DIPK2B: variants seen among roughly 807,000 people sequenced by gnomAD.
The protein encoded by DIPK2B is UPF0672 protein CXorf36.
Under a neutral mutation model 22.2 loss-of-function variants are expected in DIPK2B, and 15 were observed. The ratio of observed to expected loss-of-function variants is 0.68; its 90% CI spans 0.45 to 1.04. DIPK2B has a LOEUF of 1.04. Ranked by LOEUF, DIPK2B falls within the 50% of genes least tolerant of loss-of-function variation. The pLI is 0.00. For synonymous variants in DIPK2B, 163 were observed against 153.2 expected, an observed-to-expected ratio of 1.06 and a Z score of -0.47; for missense variants, 345 against 348.3, an observed-to-expected ratio of 0.99 and a Z score of 0.08.
chrX:45,188,084 C>A (rs766057938), intron 2 of DIPK2B, among the ~76,000 whole-genome samples: 1 of 111,917 alleles, frequency 8.9e-6, no homozygotes, highest in African/African-American at 3.2e-5. Flanking sequence ...CCCAACCACG[C>A]ATCCTATAAT....
chrX:45,163,004 A>C, intron 2 of DIPK2B: 1 of 714,161 alleles, frequency 1.4e-6, no homozygotes, highest in Non-Finnish European at 1.7e-6. Context: ...TTTATGTGTC[A>C]ACTTGGCTAG....
chrX:45,154,289 A>ATCTATCTATCTG (rs1398201212), intron 3 of DIPK2B, 91 bp from the exon 4 acceptor site: 3 of 569,885 alleles, frequency 5.3e-6, no homozygotes, highest in Non-Finnish European at 7.9e-6. Flanking sequence ...CTATCTATCT[A>ATCTATCTATCTG]TCTATCTATC....
intron 3 of DIPK2B, among the ~76,000 whole-genome samples, chrX:45,155,686 G>A (rs974958437): frequency 3.7e-5 from 4 of 109,519 alleles, no homozygotes; most frequent in African/African-American, 1.3e-4. Flanking sequence ...ATGAAGCCCC[G>A]ACCTGTCTCC....
intron 1 of DIPK2B, among the ~76,000 whole-genome samples, chrX:45,193,058 C>T (rs1320563131): frequency 1.8e-5 from 2 of 112,786 alleles, no homozygotes; most frequent in Non-Finnish European, 1.9e-5. Context: ...GGATTACAGG[C>T]GTGAGCCACT....
chrX:45,191,991 G>T lies in DIPK2B; in HGVS notation c.258C>A (p.His86Gln). 8.3e-7 allele frequency: 1 copy of T among 1,210,544 alleles called. No homozygotes were observed. The highest frequency in any genetic ancestry group is 1.1e-6 in the Non-Finnish European group (1 of 894,780). The change falls in exon 2 of 5, where the codon CAC (histidine) becomes CAA (glutamine). Residue 86 changes from histidine (H) to glutamine (Q), a missense_variant. Transcript: ENST00000398000. ...GCAAGGAATCGGGAGGCAGTCCAAG[G>T]TGGGAAGCCAGCCAGTTGTCAGATC... ...EIRSDNWLAS[H>Q]LGLPPDSLLS... is the part of the protein sequence containing the mutation.
intron 3 of DIPK2B, among the ~76,000 whole-genome samples, chrX:45,155,652 A>G (rs1025459110): frequency 6.4e-5 from 7 of 109,123 alleles, no homozygotes; most frequent in African/African-American, 2.3e-4. Context: ...CCTTCCAGAC[A>G]GCCTAAAACT....
At chrX:45,179,749 T>A (rs1018304003) in intron 2 of DIPK2B, among the ~76,000 whole-genome samples, 7 of 110,386 alleles carry the variant, frequency 6.3e-5, no homozygotes, top group Admixed American at 9.6e-5. Context: ...GAGAAAAAAA[T>A]AATTGAAAAA....
chrX:45,155,627 C>T (rs2046989449), intron 3 of DIPK2B, among the ~76,000 whole-genome samples: 1 of 108,407 alleles, frequency 9.2e-6, no homozygotes, highest in African/African-American at 3.4e-5. Flanking sequence ...ACAGATGTTC[C>T]CCAACTAACT....
chrX:45,200,754 C>T lies in DIPK2B; in HGVS notation c.73G>A (p.Ala25Thr), dbSNP rs199728771. The T allele has an allele frequency of 1.8e-5, 22 of 1,209,897 alleles. No individual in the cohort carries two copies. The highest frequency in any genetic ancestry group is 2.1e-5 in the Non-Finnish European group (19 of 894,764). Residue 25 changes from alanine (A) to threonine (T), a missense_variant, in exon 1 of 5, where the codon GCC becomes ACC. Coordinates refer to ENST00000398000, the MANE Select transcript of DIPK2B (RefSeq NM_176819.4). The part of the protein sequence containing the change: ...GWLALLLWVS[A>T]LSCSFSLPAS... ...GGCAAGGAGAAAGAACAGCTCAGGG[C>T]TGAGACCCACAGCAGCAGGGCCAGC...
intron 2 of DIPK2B, among the ~76,000 whole-genome samples, chrX:45,171,177 G>A (rs762407126): frequency 2.7e-5 from 3 of 110,801 alleles, no homozygotes; most frequent in Admixed American, 9.6e-5. Flanking sequence ...GGACATCATC[G>A]GGCTTATGGC....
At chrX:45,199,815 C>T (rs1291129966) in intron 1 of DIPK2B, among the ~76,000 whole-genome samples, 2 of 111,362 alleles carry the variant, frequency 1.8e-5, no homozygotes, top group Non-Finnish European at 1.9e-5. Context: ...CCAGTACCTG[C>T]TAGAGTTTGG....
intron 2 of DIPK2B, among the ~76,000 whole-genome samples, chrX:45,179,047 C>G (rs1428502794): frequency 9.0e-6 from 1 of 111,344 alleles, no homozygotes; most frequent in African/African-American, 3.3e-5. Context: ...CAGTGGCTCT[C>G]AACTGGAAGA....
intron 4 of DIPK2B, among the ~76,000 whole-genome samples, chrX:45,152,410 C>G (rs1305841279): frequency 9.1e-6 from 1 of 110,449 alleles, no homozygotes; most frequent in African/African-American, 3.3e-5. Context: ...ATTTCCCTGT[C>G]ACCAGGAGAT....
At position 45,200,165 on chromosome X, in the gene DIPK2B, C is replaced by T. The variant is rs1441996957; in HGVS notation, c.233+429G>A. 6.3e-5 allele frequency among the ~76,000 whole-genome samples: 7 copies of T among 111,514 alleles called. No homozygotes were observed. The East Asian group carries it at 2.0e-3, about 31-fold the overall frequency. ...TCATCTCACAGAGTTACCCATTTCC[C>T]CCCACTGAAGTCACTTTATCTGGCT... On this transcript the variant is annotated intron_variant, in intron 1 of 4. Coordinates refer to ENST00000398000, the MANE Select transcript of DIPK2B (RefSeq NM_176819.4).
At chrX:45,156,191 C>A (rs1302812456) in intron 3 of DIPK2B, among the ~76,000 whole-genome samples, 1 of 109,279 alleles carries the variant, frequency 9.2e-6, no homozygotes, top group Non-Finnish European at 1.9e-5. Flanking sequence ...AGGCTGGTCT[C>A]GAACTCCTGA....
intron 2 of DIPK2B, among the ~76,000 whole-genome samples, chrX:45,166,217 C>T (rs1183834752): frequency 1.8e-5 from 2 of 111,455 alleles, no homozygotes; most frequent in African/African-American, 3.3e-5. Flanking sequence ...AAACAGTGAC[C>T]GAAGCACCAG....
intron 1 of DIPK2B, among the ~76,000 whole-genome samples, chrX:45,198,363 G>T (rs1025438872): frequency 9.0e-6 from 1 of 111,258 alleles, no homozygotes; most frequent in African/African-American, 3.3e-5. Flanking sequence ...CTCTAAACAG[G>T]ACCACCTCCC....
At chrX:45,157,611 G>T in intron 3 of DIPK2B, 104 bp downstream of exon 3, 1 of 865,375 alleles carries the variant, frequency 1.2e-6, no homozygotes, top group Non-Finnish European at 1.6e-6. Flanking sequence ...CGGGCTAGTG[G>T]CCCAAGACAT....
At position 45,191,965 on chromosome X, in the gene DIPK2B, A is replaced by T. The variant is rs762256588; in HGVS notation, c.284T>A (p.Leu95His). 7 of 1,210,418 alleles carry T rather than the reference A, an allele frequency of 5.8e-6. No homozygotes were observed. In the Admixed American group the frequency reaches 1.5e-4, roughly 26 times the overall value. Residue 95 changes from leucine to histidine, a missense_variant, in exon 2 of 5, where the codon CTT becomes CAT. Coordinates refer to ENST00000398000, the MANE Select transcript of DIPK2B (RefSeq NM_176819.4). ...ATCTGAGTAATTTGCAGGATAAGAA[A>T]GCAAGGAATCGGGAGGCAGTCCAAG... ...SHLGLPPDSL[L>H]SYPANYSDDS...
Sources: allele counts gnomAD v4.1 joint callset (sites outside exome capture counted in the v4.1 genomes callset), GRCh38; gene constraint gnomAD v4.1.1; transcripts MANE v1.5; gene names NCBI Gene and HGNC (gene_info 2026-07-23, HGNC 2026-07-21).